HYCC2: variants seen among roughly 807,000 people sequenced by gnomAD.
The protein encoded by HYCC2 is hyccin 2.
chr2:200,983,786 T>C, the HYCC2 span, among the ~76,000 whole-genome samples: 1 of 152,138 alleles, frequency 6.6e-6, no homozygotes, highest in East Asian at 1.9e-4. Flanking sequence ...TGAACAGAAA[T>C]GTATCATTAG....
chr2:201,004,722 C>T, the HYCC2 span, among the ~76,000 whole-genome samples: 1 of 152,018 alleles, frequency 6.6e-6, no homozygotes, highest in South Asian at 2.1e-4. Flanking sequence ...CTTTAAAGAC[C>T]AAAAGTCCAA....
At chr2:201,014,075 A>G in the HYCC2 span, among the ~76,000 whole-genome samples, 1 of 152,238 alleles carries the variant, frequency 6.6e-6, no homozygotes, top group African/African-American at 2.4e-5. Context: ...ATTTTTCTAT[A>G]GTATACTAAT....
chr2:201,061,974 G>A, the HYCC2 span, among the ~76,000 whole-genome samples: 2 of 151,994 alleles, frequency 1.3e-5, no homozygotes, highest in African/African-American at 4.8e-5. Flanking sequence ...GCATGGTGGT[G>A]CATGCCTGTG....
chr2:201,015,842 A>G, the HYCC2 span, among the ~76,000 whole-genome samples: 2 of 152,164 alleles, frequency 1.3e-5, no homozygotes, highest in African/African-American at 4.8e-5. Flanking sequence ...AGCTGCTTCC[A>G]GAAACCTCAC....
At chr2:201,025,888 C>A in the HYCC2 span, among the ~76,000 whole-genome samples, 1 of 152,026 alleles carries the variant, frequency 6.6e-6, no homozygotes, top group Non-Finnish European at 1.5e-5. Context: ...GCACGAGATT[C>A]CCATCTCTAC....
At chr2:201,042,729 C>G in the HYCC2 span, among the ~76,000 whole-genome samples, 4 of 151,006 alleles carry the variant, frequency 2.6e-5, no homozygotes, top group African/African-American at 9.7e-5. Flanking sequence ...CCAGCCGCCC[C>G]GTCCGGGAGG....
At chr2:201,006,439 G>C in the HYCC2 span, among the ~76,000 whole-genome samples, 1 of 151,904 alleles carries the variant, frequency 6.6e-6, no homozygotes, top group East Asian at 1.9e-4. Flanking sequence ...CACCTGGCGA[G>C]ATTTTTTTAA....
At chr2:201,003,144 GCAGCCTCAAACTCCTGGGCTTGGTCCTC>G in the HYCC2 span, among the ~76,000 whole-genome samples, 2 of 152,108 alleles carry the variant, frequency 1.3e-5, no homozygotes, top group South Asian at 4.1e-4. Context: ...ATAGCTTACT[GCAGCCTCAAACTCCTGGGCTTGGTCCTC>G]CAGCCTCGGC....
chr2:200,979,996 A>T, the HYCC2 span: 1 of 152,788 alleles, frequency 6.5e-6, no homozygotes, highest in African/African-American at 2.4e-5. Flanking sequence ...GAAGGTACAC[A>T]AATTGCATTA....
At chr2:200,973,839 A>G in the HYCC2 span, 1 of 152,132 alleles carries the variant, frequency 6.6e-6, no homozygotes, top group Non-Finnish European at 1.5e-5. Flanking sequence ...TTTAACATCT[A>G]AGATATGTTT....
At chr2:201,029,981 GGAGGCT>G in the HYCC2 span, among the ~76,000 whole-genome samples, 1 of 152,132 alleles carries the variant, frequency 6.6e-6, no homozygotes, top group South Asian at 2.1e-4. Flanking sequence ...CAGTTACTGA[GGAGGCT>G]GAGGTGGGAA....
At chr2:201,040,456 TTTG>T in the HYCC2 span, among the ~76,000 whole-genome samples, 1 of 151,296 alleles carries the variant, frequency 6.6e-6, no homozygotes, top group South Asian at 2.1e-4. Flanking sequence ...TGTTATTGCT[TTTG>T]TTTTTTTTTT....
chr2:201,070,278 G>C, the HYCC2 span, among the ~76,000 whole-genome samples: 1 of 152,122 alleles, frequency 6.6e-6, no homozygotes, highest in Non-Finnish European at 1.5e-5. Context: ...TGTCCGAGAG[G>C]TTCAGAGTCC....
the HYCC2 span, among the ~76,000 whole-genome samples, chr2:200,994,787 G>T: frequency 6.6e-6 from 1 of 151,976 alleles, no homozygotes; most frequent in Non-Finnish European, 1.5e-5. Context: ...GATCACTTGA[G>T]GCCAGGAGTT....
At chr2:201,021,993 G>T in the HYCC2 span, 1 of 976,456 alleles carries the variant, frequency 1.0e-6, no homozygotes, top group Non-Finnish European at 1.4e-6. Flanking sequence ...CAATAAGCAA[G>T]CTTTTAGTGG....
chr2:201,031,299 A>G, the HYCC2 span, among the ~76,000 whole-genome samples: 1 of 152,310 alleles, frequency 6.6e-6, no homozygotes, highest in African/African-American at 2.4e-5. Flanking sequence ...AACTAGCACA[A>G]TGAAAATTGG....
the HYCC2 span, among the ~76,000 whole-genome samples, chr2:201,025,951 T>C: frequency 1.3e-5 from 2 of 152,138 alleles, no homozygotes; most frequent in African/African-American, 4.8e-5. Context: ...TAGGATCAAG[T>C]TCACACATAA....
the HYCC2 span, among the ~76,000 whole-genome samples, chr2:201,046,049 A>G: frequency 0.011 from 1,724 of 152,332 alleles, 17 homozygotes; most frequent in Non-Finnish European, 0.017. Context: ...AAGCTTAAAT[A>G]ATAAGTATCA....
the HYCC2 span, among the ~76,000 whole-genome samples, chr2:201,031,582 C>T: frequency 4.6e-5 from 7 of 152,124 alleles, no homozygotes; most frequent in Non-Finnish European, 1.0e-4. Flanking sequence ...ACCTGGGAAG[C>T]GGAGGTTGCG....
Sources: gnomAD v4.1 joint callset for allele counts (sites outside exome capture counted in the v4.1 genomes callset) on GRCh38, gnomAD v4.1.1 for gene constraint, MANE v1.5 for transcripts, NCBI Gene and HGNC (gene_info 2026-07-23, HGNC 2026-07-21) for gene names.